Variants in MED27 observed in about 807,000 individuals in gnomAD.
The protein encoded by MED27 is mediator of RNA polymerase II transcription subunit 27.
Under a neutral mutation model 38.2 loss-of-function variants are expected in MED27, and 30 were observed. That is an observed-to-expected ratio of 0.79 (90% CI 0.59 to 1.07). The LOEUF (loss-of-function observed/expected upper bound fraction) is 1.07. Among genes scored for constraint, MED27 ranks in the 50% least tolerant of loss-of-function variants. The probability of loss-of-function intolerance (pLI) is 0.00; values close to 1 mark genes in which losing one functional copy is unlikely to be tolerated. For synonymous variants in MED27, 122 were observed against 153.5 expected, an observed-to-expected ratio of 0.79 and a Z score of 1.52; for missense variants, 289 against 397.5, an observed-to-expected ratio of 0.73 and a Z score of 2.32.
At chr9:132,064,892 A>G (rs1180113393) in intron 2 of MED27, among the ~76,000 whole-genome samples, 1 of 152,176 alleles carries the variant, frequency 6.6e-6, no homozygotes, top group African/African-American at 2.4e-5. Flanking sequence ...GGAAAAAATA[A>G]AACTAGAAAA....
chr9:132,049,055 G>C (rs892868055), intron 2 of MED27, among the ~76,000 whole-genome samples: 1 of 152,194 alleles, frequency 6.6e-6, no homozygotes, highest in Admixed American at 6.5e-5. Context: ...TTTAAGAGTA[G>C]TGGAGCAACC....
At chr9:132,001,910 T>C (rs1168738931) in intron 3 of MED27, among the ~76,000 whole-genome samples, 1 of 152,206 alleles carries the variant, frequency 6.6e-6, no homozygotes, top group Non-Finnish European at 1.5e-5. Context: ...CTTAAAAATA[T>C]GGATGACTGG....
chr9:131,874,103 C>G (rs73548887), intron 6 of MED27, among the ~76,000 whole-genome samples: 2,125 of 152,316 alleles, frequency 0.014, 56 homozygotes, highest in African/African-American at 0.048. Context: ...TCCCTTCAGC[C>G]CCCACCTTCC....
At chr9:131,966,669 G>A (rs1589239133) in intron 3 of MED27, among the ~76,000 whole-genome samples, 1 of 152,188 alleles carries the variant, frequency 6.6e-6, no homozygotes, top group African/African-American at 2.4e-5. Context: ...ACTGATGCTG[G>A]GTGGCATGAT....
At chr9:131,991,796 A>G (rs1831981960) in intron 3 of MED27, among the ~76,000 whole-genome samples, 1 of 152,190 alleles carries the variant, frequency 6.6e-6, no homozygotes, top group South Asian at 2.1e-4. Flanking sequence ...ATCTCCGCTC[A>G]CTGCAACCTC....
chr9:132,056,197 G>A (rs924233624), intron 2 of MED27, among the ~76,000 whole-genome samples: 6 of 152,090 alleles, frequency 3.9e-5, no homozygotes, highest in African/African-American at 9.7e-5. Flanking sequence ...TCATTAAGTC[G>A]GACAAATACT....
At chr9:131,867,732 AAGTC>A (rs1206961466) in intron 6 of MED27, among the ~76,000 whole-genome samples, 1 of 152,232 alleles carries the variant, frequency 6.6e-6, no homozygotes, top group African/African-American at 2.4e-5. Context: ...CCCAGACACT[AAGTC>A]AGCCCCTCCA....
chr9:131,906,086 A>T (rs1473068077), intron 4 of MED27, among the ~76,000 whole-genome samples: 2 of 152,226 alleles, frequency 1.3e-5, no homozygotes, highest in Non-Finnish European at 2.9e-5. Flanking sequence ...TCTACATGTG[A>T]AAAAATGACA....
intron 3 of MED27, among the ~76,000 whole-genome samples, chr9:131,966,432 A>C (rs2131006917): frequency 6.7e-6 from 1 of 148,556 alleles, no homozygotes; most frequent in Non-Finnish European, 1.5e-5. Flanking sequence ...AAGGAAGTGT[A>C]TTTCCACTAA....
chr9:131,894,020 T>C (rs1829777887), intron 4 of MED27, 28 bp from the exon 5 acceptor site: 2 of 1,574,772 alleles, frequency 1.3e-6, no homozygotes, highest in Admixed American at 3.3e-5. Context: ...AGCTGACACT[T>C]GAACACGCAA....
chr9:132,071,117 CT>C (rs1469776175), intron 2 of MED27, among the ~76,000 whole-genome samples: 1 of 152,160 alleles, frequency 6.6e-6, no homozygotes, highest in Non-Finnish European at 1.5e-5. Flanking sequence ...CTTGTATCAC[CT>C]CATTTTGTCC....
intron 6 of MED27, among the ~76,000 whole-genome samples, chr9:131,874,691 C>T (rs531407581): frequency 3.9e-5 from 6 of 152,060 alleles, no homozygotes; most frequent in Non-Finnish European, 7.4e-5. Flanking sequence ...TGCGTAGCTG[C>T]GAGGAGACGC....
chr9:131,949,168 T>C (rs1487298817), intron 3 of MED27, among the ~76,000 whole-genome samples: 1 of 152,144 alleles, frequency 6.6e-6, no homozygotes, highest in Non-Finnish European at 1.5e-5. Flanking sequence ...TATTAATAAA[T>C]ATTTTTGAGT....
rs947452282 is a variant in MED27 at position 132,072,584 on chromosome 9, G to A, written c.348+4858C>T. Among the ~76,000 whole-genome samples the A allele has an allele frequency of 2.6e-5, 4 of 152,188 alleles. 1 individual carries two copies. On this transcript the variant is annotated intron_variant, in intron 2 of 7. Coordinates refer to ENST00000292035, the MANE Select transcript of MED27 (RefSeq NM_004269.4). ...GTTTGCAGGTGGGGAGGGAGGAGGA[G>A]GGTGTAGGGTTCAAGGCTAACCAGG...
intron 3 of MED27, among the ~76,000 whole-genome samples, chr9:131,996,366 T>G (rs1214436815): frequency 1.3e-5 from 2 of 152,136 alleles, no homozygotes; most frequent in Non-Finnish European, 2.9e-5. Flanking sequence ...CTTGCCACTA[T>G]GGGAGCCACT....
chr9:131,949,020 G>A (rs1464968393), intron 3 of MED27, among the ~76,000 whole-genome samples: 1 of 152,178 alleles, frequency 6.6e-6, no homozygotes, highest in Admixed American at 6.5e-5. Flanking sequence ...TTCCTGCTAC[G>A]GGGTGTCAAG....
At chr9:131,943,637 G>A in intron 3 of MED27, among the ~76,000 whole-genome samples, 1 of 152,208 alleles carries the variant, frequency 6.6e-6, no homozygotes, top group East Asian at 1.9e-4. Flanking sequence ...CAGCAGTGGT[G>A]ACTAGTTTAC....
chr9:131,864,017 G>A (rs188954253), intron 6 of MED27, among the ~76,000 whole-genome samples: 359 of 152,310 alleles, frequency 2.4e-3, no homozygotes, highest in Non-Finnish European at 3.0e-3. Flanking sequence ...GAGCAAAGGG[G>A]CTGGCCTCAG....
At chr9:132,040,134 A>G (rs1428741728) in intron 2 of MED27, among the ~76,000 whole-genome samples, 1 of 152,192 alleles carries the variant, frequency 6.6e-6, no homozygotes, top group Non-Finnish European at 1.5e-5. Context: ...TCAGCTACAA[A>G]TTGATGACCT....
Sources: gnomAD v4.1 joint callset for allele counts (sites outside exome capture counted in the v4.1 genomes callset) on GRCh38, gnomAD v4.1.1 for gene constraint, MANE v1.5 for transcripts, NCBI Gene and HGNC (gene_info 2026-07-23, HGNC 2026-07-21) for gene names.